Variants in MARK3 observed in about 807,000 individuals in gnomAD.
MARK3 encodes the protein microtubule affinity regulating kinase 3.
In MARK3, 46 loss-of-function variants were observed where a neutral mutation model predicts 90.1. That is an observed-to-expected ratio of 0.51 (90% CI 0.40 to 0.65). MARK3 has a LOEUF of 0.65. Among genes scored for constraint, MARK3 ranks in the 30% least tolerant of loss-of-function variants. The pLI is 0.00. For missense variants in MARK3, 818 were observed against 947.2 expected, an observed-to-expected ratio of 0.86 and a Z score of 1.79; for synonymous variants, 321 against 332.6, an observed-to-expected ratio of 0.97 and a Z score of 0.38.
chr14:103,475,163 A>C lies in MARK3; in HGVS notation c.1435A>C (p.Asn479His). 1.2e-6 allele frequency: 2 copies of C among 1,614,058 alleles called. No homozygotes were observed. The highest frequency in any genetic ancestry group is 8.5e-7 in the Non-Finnish European group (1 of 1,180,028). Residue 479 changes from asparagine (N) to histidine (H), a missense_variant, in exon 13 of 18, where the codon AAT (asparagine) becomes CAT (histidine). Asn to His is a moderately conservative substitution (Grantham distance 68, BLOSUM62 1). This residue lies in a region of MARK3 where 560 missense variants were observed against 613.5 expected (regional missense o/e 0.91). Coordinates refer to ENST00000429436, the MANE Select transcript of MARK3 (RefSeq NM_001128918.3). ...CATGCTTGGGAATGCAAGTAATCCT[A>C]ATAAGGCGGATATTCCTGAACGCAA... ...SPMLGNASNP[N>H]KADIPERKKS...
chr14:103,464,889 G>C (rs1170279307), intron 7 of MARK3, among the ~76,000 whole-genome samples: 1 of 152,116 alleles, frequency 6.6e-6, no homozygotes, highest in African/African-American at 2.4e-5. Flanking sequence ...TGTAGAGAAA[G>C]GGTCTCACTA....
At chr14:103,448,882 T>TG (rs758243061) in intron 3 of MARK3, 37 bp from the exon 4 acceptor site, 6 of 703,298 alleles carry the variant, frequency 8.5e-6, no homozygotes, top group Middle Eastern at 5.8e-4. Flanking sequence ...TAACTTGTGT[T>TG]GGGGGGATTA....
At chr14:103,415,532 A>T (rs2140896282) in intron 2 of MARK3, among the ~76,000 whole-genome samples, 1 of 152,320 alleles carries the variant, frequency 6.6e-6, no homozygotes, top group East Asian at 1.9e-4. Context: ...TGTTAGTTGC[A>T]TCTGCTGTCT....
intron 2 of MARK3, among the ~76,000 whole-genome samples, chr14:103,409,435 T>TAAAAAAAAA (rs61200962): frequency 3.2e-5 from 3 of 93,422 alleles, no homozygotes; most frequent in Admixed American, 1.3e-4. Flanking sequence ...GAACTTAAAG[T>TAAAAAAAAA]AAAAAAAAAA....
At chr14:103,493,258 A>AT (rs10678432) in intron 15 of MARK3, among the ~76,000 whole-genome samples, 68,585 of 106,442 alleles carry the variant, frequency 0.64, 21,636 homozygotes, top group East Asian at 0.78. Flanking sequence ...TTTTTTTTTA[A>AT]TTTTTTTTTT....
chr14:103,468,227 G>C (rs369229138), intron 12 of MARK3, 41 bp downstream of exon 12: 72 of 1,577,018 alleles, frequency 4.6e-5, no homozygotes, highest in Non-Finnish European at 6.0e-5. Context: ...TTAGAGTCCA[G>C]GCAAGAGGTC....
At position 103,480,501 on chromosome 14, in the gene MARK3, C is replaced by T. The variant is rs2093802250; in HGVS notation, c.1586+11C>T. The T allele has an allele frequency of 1.3e-6, 2 of 1,545,324 alleles. No homozygotes were observed. The highest frequency in any genetic ancestry group is 1.7e-4 in the Middle Eastern group (1 of 5,900). On this transcript the variant is annotated intron_variant, in intron 14 of 17. Coordinates refer to ENST00000429436, the MANE Select transcript of MARK3 (RefSeq NM_001128918.3). The stretch of plus-strand genomic sequence containing the variant: ...TGGCAAAGAAAACAGGTAGGAGATT[C>T]TACCTGTTTGTAAGAAAAGTTGTTT...
chr14:103,481,757 CTTTTTTTTTTTTTTT>C (rs71126030), intron 14 of MARK3, among the ~76,000 whole-genome samples: 1 of 49,778 alleles, frequency 2.0e-5, no homozygotes, highest in African/African-American at 8.7e-5. Flanking sequence ...ATAGGTATTT[CTTTTTTTTTTTTTTT>C]TTTTTTTTTT....
At chr14:103,446,710 C>CTTTTTTTTTTT (rs746523547) in intron 3 of MARK3, among the ~76,000 whole-genome samples, 6 of 98,050 alleles carry the variant, frequency 6.1e-5, no homozygotes, top group African/African-American at 2.7e-4. Context: ...AGATTGTTGT[C>CTTTTTTTTTTT]TTTTTTTTTT....
intron 2 of MARK3, among the ~76,000 whole-genome samples, chr14:103,417,788 C>T (rs532259785): frequency 5.3e-5 from 8 of 151,982 alleles, no homozygotes; most frequent in Non-Finnish European, 8.8e-5. Flanking sequence ...GTGTGTGGGC[C>T]GGGCACGGTG....
At chr14:103,457,734 T>G (rs2093306305) in intron 6 of MARK3, among the ~76,000 whole-genome samples, 1 of 152,232 alleles carries the variant, frequency 6.6e-6, no homozygotes, top group African/African-American at 2.4e-5. Context: ...TAATAATTAC[T>G]GTTATCTATT....
intron 2 of MARK3, among the ~76,000 whole-genome samples, chr14:103,406,423 G>T (rs1419070306): frequency 4.1e-5 from 6 of 147,598 alleles, no homozygotes; most frequent in African/African-American, 1.5e-4. Flanking sequence ...TTTTAGTAGA[G>T]GTGGGGTTTC....
chr14:103,503,004 G>C lies in MARK3; in HGVS notation c.2039G>C (p.Arg680Pro). 1 of 1,614,248 alleles carries C rather than the reference G, an allele frequency of 6.2e-7. No homozygotes were observed. The highest frequency in any genetic ancestry group is 8.5e-7 in the Non-Finnish European group (1 of 1,180,050). ...MDPGDMMREIRKVLDANNCDY... is the reference protein window; with the variant it reads ...MDPGDMMREIPKVLDANNCDY... ...CCCGGGGACATGATGCGGGAAATCC[G>C]CAAAGTGTTGGACGCCAATAACTGC... The change falls in exon 18 of 18, where the codon CGC becomes CCC. Residue 680 changes from arginine to proline, a missense_variant. Coordinates refer to ENST00000429436, the MANE Select transcript of MARK3 (RefSeq NM_001128918.3).
chr14:103,403,283 T>G (rs11621510), intron 1 of MARK3, among the ~76,000 whole-genome samples: 1 of 151,582 alleles, frequency 6.6e-6, no homozygotes, highest in Non-Finnish European at 1.5e-5. Flanking sequence ...GGATATGGAC[T>G]GCTTTATGCG....
At chr14:103,426,088 C>T (rs2141011571) in intron 2 of MARK3, among the ~76,000 whole-genome samples, 1 of 152,298 alleles carries the variant, frequency 6.6e-6, no homozygotes, top group South Asian at 2.1e-4. Context: ...TTTTGTGATA[C>T]TAGTAAAACA....
Position 103,428,415 on chromosome 14 carries a change from A to C in MARK3, c.272A>C (p.Gln91Pro). 6.7e-7 allele frequency: 1 copy of C among 1,501,078 alleles called. No homozygotes were observed. Among genetic ancestry groups the C allele is most frequent in the Non-Finnish European group, 9.0e-7 (1 of 1,107,588 alleles). The allele number at this position is 1,501,078 out of a possible 1,614,324, so 93.0% of individuals were successfully genotyped here. Residue 91 changes from glutamine (Q) to proline (P), a missense_variant, in exon 3 of 18, where the codon CAG (glutamine) becomes CCG (proline). Coordinates refer to ENST00000429436, the MANE Select transcript of MARK3 (RefSeq NM_001128918.3). ...EVAIKIIDKT[Q>P]LNPTSLQKLF... ...GCAATAAAAATAATTGACAAAACTCAGTTGAATCCAACAAGTCTACAAAAG... is the reference window on the plus strand; with the variant it reads ...GCAATAAAAATAATTGACAAAACTCCGTTGAATCCAACAAGTCTACAAAAG...
At chr14:103,424,882 T>G (rs1403538011) in intron 2 of MARK3, among the ~76,000 whole-genome samples, 1 of 152,180 alleles carries the variant, frequency 6.6e-6, no homozygotes, top group Non-Finnish European at 1.5e-5. Context: ...AGAAGCCCTG[T>G]TTTTTGGTTA....
intron 14 of MARK3, among the ~76,000 whole-genome samples, chr14:103,487,656 A>G (rs1233506392): frequency 6.6e-6 from 1 of 152,224 alleles, no homozygotes; most frequent in African/African-American, 2.4e-5. Context: ...TGGGCAAGAA[A>G]AAAGTCAACA....
In MARK3 at chr14:103,405,158, C is replaced by T; in HGVS notation, c.134C>T (p.Ser45Phe). Residue 45 changes from serine (S) to phenylalanine (F), a missense_variant, in exon 2 of 18, where the codon TCC (serine) becomes TTC (phenylalanine). Physicochemically the swap from Ser to Phe is radical, Grantham distance 155. Transcript: ENST00000429436. ...SGARCRNSIA[S>F]CADEQPHIGN... is the part of the protein sequence containing the mutation. ...GCTCGGTGTAGAAACTCTATAGCCTCCTGTGCAGATGAACAACCTCACATC... is the reference window on the plus strand; with the variant it reads ...GCTCGGTGTAGAAACTCTATAGCCTTCTGTGCAGATGAACAACCTCACATC... The T allele has an allele frequency of 1.2e-6, 2 of 1,608,016 alleles. No individual in the cohort carries two copies. The highest frequency in any genetic ancestry group is 1.7e-6 in the Non-Finnish European group (2 of 1,178,444).
Sources: gnomAD v4.1 joint callset for allele counts (sites outside exome capture counted in the v4.1 genomes callset) on GRCh38, gnomAD v4.1.1 for gene constraint, gnomAD v4.1.1 regional missense constraint, MANE v1.5 for transcripts, NCBI Gene and HGNC (gene_info 2026-07-23, HGNC 2026-07-21) for gene names.